PLPP1: variants seen among roughly 807,000 people sequenced by gnomAD.
PLPP1 encodes phospholipid phosphatase 1.
In PLPP1, 24 loss-of-function variants were observed where a neutral mutation model predicts 31.2. The observed-to-expected ratio is 0.77, with a 90% CI of 0.56 to 1.08. The LOEUF (loss-of-function observed/expected upper bound fraction) is 1.08. Ranked by LOEUF, PLPP1 falls within the 50% of genes least tolerant of loss-of-function variation. The pLI is 0.00. For missense variants in PLPP1, 319 were observed against 342.7 expected (o/e 0.93, Z 0.55); for synonymous variants, 146 against 126.3 (o/e 1.16, Z -1.05).
chr5:55,467,903 A>T lies in PLPP1; in HGVS notation c.457T>A (p.Cys153Ser). The T allele has an allele frequency of 1.9e-6, 3 of 1,614,044 alleles. No homozygotes were observed. The highest frequency in any genetic ancestry group is 2.5e-6 in the Non-Finnish European group (3 of 1,179,976). ...TTAACTCTTTCTGCATTCCCTCGAC[A>T]TATGTAGTATTCAATGTAACCATCG... ...CSDGYIEYYI[C>S]RGNAERVKEG... The change falls in exon 3 of 6, where the codon TGT (cysteine) becomes AGT (serine). Residue 153 changes from cysteine to serine, a missense_variant. Physicochemically the swap from Cys to Ser is moderately radical, Grantham distance 112. Coordinates refer to ENST00000307259, the MANE Select transcript of PLPP1 (RefSeq NM_003711.4).
At chr5:55,514,691 C>T (rs1165453894) in intron 1 of PLPP1, among the ~76,000 whole-genome samples, 1 of 152,002 alleles carries the variant, frequency 6.6e-6, no homozygotes, top group Non-Finnish European at 1.5e-5. Flanking sequence ...TTTAAAGGCA[C>T]ACAAATATAA....
At chr5:55,438,203 GAAT>G (rs3838247) in intron 4 of PLPP1, among the ~76,000 whole-genome samples, 27,164 of 152,132 alleles carry the variant, frequency 0.18, 3,172 homozygotes, top group South Asian at 0.3. Context: ...CTGTTCTCCT[GAAT>G]AATCAAATAA....
At chr5:55,466,899 A>G (rs1163632201) in intron 3 of PLPP1, among the ~76,000 whole-genome samples, 2 of 152,198 alleles carry the variant, frequency 1.3e-5, no homozygotes, top group Admixed American at 1.3e-4. Flanking sequence ...ATATAAAAAG[A>G]TAAGGCTGAC....
chr5:55,528,938 A>G (rs562703168), intron 1 of PLPP1, among the ~76,000 whole-genome samples: 6 of 152,240 alleles, frequency 3.9e-5, no homozygotes, highest in South Asian at 4.2e-4. Flanking sequence ...AACATACCCA[A>G]TTTTGACTAA....
At chr5:55,518,379 G>GA (rs912244223) in intron 1 of PLPP1, among the ~76,000 whole-genome samples, 40 of 149,100 alleles carry the variant, frequency 2.7e-4, no homozygotes, top group African/African-American at 6.7e-4. Context: ...ATGTTGATAA[G>GA]AAAAAAAAAA....
chr5:55,425,695 C>A, intron 5 of PLPP1, 168 bp downstream of exon 5: 1 of 564,834 alleles, frequency 1.8e-6, no homozygotes, highest in Non-Finnish European at 2.9e-6. Flanking sequence ...AAAGAGCAAC[C>A]TAGTTTTTAA....
At chr5:55,436,961 A>G (rs1751506370) in intron 4 of PLPP1, among the ~76,000 whole-genome samples, 1 of 152,152 alleles carries the variant, frequency 6.6e-6, no homozygotes, top group East Asian at 1.9e-4. Context: ...GGGATTAATG[A>G]CCTAATAAGA....
At chr5:55,504,603 A>G (rs917741564) in intron 1 of PLPP1, among the ~76,000 whole-genome samples, 4 of 151,108 alleles carry the variant, frequency 2.6e-5, no homozygotes, top group Admixed American at 2.0e-4. Flanking sequence ...GTTGCCATGC[A>G]GGGCAACATG....
intron 1 of PLPP1, among the ~76,000 whole-genome samples, chr5:55,498,661 C>T (rs1307761917): frequency 6.7e-6 from 1 of 150,232 alleles, no homozygotes; most frequent in Non-Finnish European, 1.5e-5. Context: ...TGACTTGTCA[C>T]ACCAAAGGGC....
intron 1 of PLPP1, among the ~76,000 whole-genome samples, chr5:55,486,361 G>T (rs1455865929): frequency 2.0e-5 from 3 of 152,118 alleles, no homozygotes; most frequent in Non-Finnish European, 4.4e-5. Context: ...GAGGTGGGTG[G>T]ATTGCTTGAG....
chr5:55,533,996 C>G (rs1227634008), intron 1 of PLPP1, among the ~76,000 whole-genome samples: 1 of 152,096 alleles, frequency 6.6e-6, no homozygotes, highest in Non-Finnish European at 1.5e-5. Context: ...TCTGGGGTAC[C>G]GCATCCTCCC....
chr5:55,475,123 AT>A (rs1316949100), intron 2 of PLPP1, among the ~76,000 whole-genome samples, 175 bp downstream of exon 2: 1 of 152,160 alleles, frequency 6.6e-6, no homozygotes, highest in Non-Finnish European at 1.5e-5. Flanking sequence ...ACACATTGTT[AT>A]TTTTTGACTC....
rs1024944840 is a variant in PLPP1, at chr5:55,425,151, G to T, written c.*55C>A. The T allele has an allele frequency of 1.3e-6, 2 of 1,572,506 alleles. No individual in the cohort carries two copies. Among genetic ancestry groups the T allele is most frequent in the Admixed American group, 2.0e-5 (1 of 50,366 alleles). ...GAAAGATGCATCCTCTTGCCTTGTG[G>T]CAATCATTTTCCTTTAGAAAACAGG... On this transcript the variant is annotated 3_prime_UTR_variant, in exon 6 of 6. Transcript: ENST00000307259.
chr5:55,498,076 C>G (rs755162304), intron 1 of PLPP1, among the ~76,000 whole-genome samples: 6 of 151,946 alleles, frequency 3.9e-5, no homozygotes, highest in Non-Finnish European at 7.4e-5. Flanking sequence ...CAGTAGGGAG[C>G]TGAAACCTAA....
At chr5:55,442,695 C>A (rs1751651626) in intron 3 of PLPP1, among the ~76,000 whole-genome samples, 1 of 151,770 alleles carries the variant, frequency 6.6e-6, no homozygotes, top group Non-Finnish European at 1.5e-5. Flanking sequence ...CACATCTTGC[C>A]TTACATTTCC....
At chr5:55,453,355 G>A (rs1268210002) in intron 3 of PLPP1, among the ~76,000 whole-genome samples, 1 of 152,094 alleles carries the variant, frequency 6.6e-6, no homozygotes, top group Non-Finnish European at 1.5e-5. Context: ...TCCCCTTTCA[G>A]TGATTAGAAA....
At chr5:55,447,915 A>G (rs1751803416) in intron 3 of PLPP1, among the ~76,000 whole-genome samples, 1 of 152,210 alleles carries the variant, frequency 6.6e-6, no homozygotes, top group South Asian at 2.1e-4. Context: ...AAATGCAAAA[A>G]AAAGGAAATC....
intron 1 of PLPP1, among the ~76,000 whole-genome samples, chr5:55,526,539 CCT>C (rs1301221871): frequency 3.9e-5 from 6 of 152,128 alleles, no homozygotes; most frequent in Non-Finnish European, 7.4e-5. Context: ...AGATTCCTTC[CCT>C]CTCTCTGTGA....
chr5:55,501,081 G>A (rs1029156602), intron 1 of PLPP1, among the ~76,000 whole-genome samples: 20 of 152,302 alleles, frequency 1.3e-4, no homozygotes, highest in South Asian at 4.1e-4. Flanking sequence ...TTGGGAGGCC[G>A]AGGCGGGCGG....
Sources: gnomAD v4.1 joint callset for allele counts (sites outside exome capture counted in the v4.1 genomes callset) on GRCh38, gnomAD v4.1.1 for gene constraint, MANE v1.5 for transcripts, NCBI Gene and HGNC (gene_info 2026-07-23, HGNC 2026-07-21) for gene names.